The following CSGALNACT1 variants were observed in gnomAD, a reference collection of about 807,000 sequenced individuals.
CSGALNACT1 encodes chondroitin sulfate N-acetylgalactosaminyltransferase 1.
A neutral mutation model predicts 51.0 loss-of-function variants in CSGALNACT1; 52 were observed. The ratio of observed to expected loss-of-function variants is 1.02; its 90% confidence interval spans 0.82 to 1.29. CSGALNACT1 has a LOEUF of 1.29. Among genes scored for constraint, CSGALNACT1 ranks in the 50% most tolerant of loss-of-function variants. The pLI, the probability that CSGALNACT1 is intolerant of heterozygous loss-of-function variation, is 0.00. For synonymous variants in CSGALNACT1, 341 were observed against 254.4 expected (o/e 1.34, Z -3.24); for missense variants, 935 against 679.2 (o/e 1.38, Z -4.19).
chr8:19,503,104 T>A (rs1317966533), intron 4 of CSGALNACT1, among the ~76,000 whole-genome samples: 1 of 152,226 alleles, frequency 6.6e-6, no homozygotes, highest in Non-Finnish European at 1.5e-5. Context: ...TCTTGTGGTA[T>A]TGATAATATT....
chr8:19,538,585 G>C (rs1219535960), intron 3 of CSGALNACT1, among the ~76,000 whole-genome samples: 1 of 152,126 alleles, frequency 6.6e-6, no homozygotes, highest in East Asian at 1.9e-4. Context: ...AGAAGGAGGA[G>C]GCCTTCAGGA....
intron 1 of CSGALNACT1, among the ~76,000 whole-genome samples, chr8:19,718,024 C>G (rs2062911208): frequency 6.6e-6 from 1 of 152,170 alleles, no homozygotes. Context: ...GCATCATGGG[C>G]TGGGGCCTCT....
chr8:19,558,814 G>A (rs1358005946), intron 3 of CSGALNACT1, among the ~76,000 whole-genome samples: 1 of 152,020 alleles, frequency 6.6e-6, no homozygotes. Flanking sequence ...ATGGTTTCAG[G>A]GATGAGGCCA....
intron 3 of CSGALNACT1, among the ~76,000 whole-genome samples, chr8:19,527,372 G>C (rs1026082500): frequency 6.6e-5 from 10 of 152,118 alleles, no homozygotes; most frequent in African/African-American, 2.4e-4. Flanking sequence ...AGGCTGAGGA[G>C]GGTGGATCAC....
At chr8:19,573,416 TAAGA>T (rs2043443173) in intron 3 of CSGALNACT1, among the ~76,000 whole-genome samples, 1 of 152,076 alleles carries the variant, frequency 6.6e-6, no homozygotes, top group Non-Finnish European at 1.5e-5. Flanking sequence ...CTTAGTTGAC[TAAGA>T]GTCACTTAAG....
At chr8:19,557,427 C>T (rs1311493289) in intron 3 of CSGALNACT1, among the ~76,000 whole-genome samples, 1 of 152,288 alleles carries the variant, frequency 6.6e-6, no homozygotes, top group Non-Finnish European at 1.5e-5. Flanking sequence ...CCATTCAATA[C>T]ATCCCAAATC....
rs1266664148 is a variant in CSGALNACT1, at chr8:19,666,801, AAGAAAGAAAGAG to A, written c.-544+15660_-544+15671del. ...AAAGAAAGAAAGAAAGAAAGAAAGA[AAGAAAGAAAGAG>A]AGAGAGAGAGAGAGAGAGAGAAAGA... On this transcript the variant is annotated intron_variant, in intron 1 of 9. Coordinates refer to the CSGALNACT1 transcript ENST00000332246. Among the ~76,000 whole-genome samples the A allele has an allele frequency of 1.6e-3, 34 of 21,808 alleles. No homozygotes were observed. In the South Asian group the frequency reaches 0.024, roughly 15 times the overall value. 14.3% of individuals were successfully genotyped at this position (21,808 alleles called of 152,430 possible).
intron 2 of CSGALNACT1, among the ~76,000 whole-genome samples, chr8:19,597,216 A>T (rs2049097083): frequency 6.6e-6 from 1 of 151,610 alleles, no homozygotes; most frequent in Non-Finnish European, 1.5e-5. Flanking sequence ...GTATGGATAT[A>T]CATACTGCAT....
chr8:19,430,034 C>T (rs1157319288), intron 6 of CSGALNACT1, among the ~76,000 whole-genome samples: 1 of 152,208 alleles, frequency 6.6e-6, no homozygotes, highest in Non-Finnish European at 1.5e-5. Context: ...GAGAAATGTA[C>T]ATCCAAGTCT....
chr8:19,405,163 A>T, exon 10 of CSGALNACT1: 1 of 448,012 alleles, frequency 2.2e-6, no homozygotes, highest in Non-Finnish European at 4.4e-6. Context: ...TTTTTAAATA[A>T]AAGAAAAAAA....
At chr8:19,573,103 C>T (rs748155792) in intron 3 of CSGALNACT1, among the ~76,000 whole-genome samples, 2 of 152,208 alleles carry the variant, frequency 1.3e-5, no homozygotes, top group South Asian at 2.1e-4. Flanking sequence ...AAAGGATACA[C>T]TCCCATGGCG....
At chr8:19,623,353 G>A (rs1371646198) in intron 1 of CSGALNACT1, among the ~76,000 whole-genome samples, 5 of 152,074 alleles carry the variant, frequency 3.3e-5, no homozygotes, top group East Asian at 1.9e-4. Context: ...AGAGGAAACA[G>A]GAAAAACAAT....
intron 1 of CSGALNACT1, among the ~76,000 whole-genome samples, chr8:19,623,508 A>G (rs1024922320): frequency 6.6e-6 from 1 of 152,214 alleles, no homozygotes; most frequent in Admixed American, 6.5e-5. Context: ...AACACTCTTC[A>G]ATACTATATC....
At chr8:19,678,183 G>A (rs910824186) in intron 1 of CSGALNACT1, among the ~76,000 whole-genome samples, 4 of 152,074 alleles carry the variant, frequency 2.6e-5, no homozygotes, top group African/African-American at 9.7e-5. Flanking sequence ...TGTTTTCTCA[G>A]GGACTAATCC....
exon 5 of CSGALNACT1, chr8:19,458,542 G>T (rs142456632): frequency 2.9e-5 from 46 of 1,614,032 alleles, no homozygotes; most frequent in Non-Finnish European, 3.9e-5. Flanking sequence ...TGATGGGGCC[G>T]AATGGTCGAA....
At chr8:19,420,607 C>T (rs1408561742) in intron 6 of CSGALNACT1, 89 bp from the exon 6 acceptor site, 4 of 1,371,544 alleles carry the variant, frequency 2.9e-6, no homozygotes, top group Non-Finnish European at 4.2e-6. Context: ...CCATCCACAT[C>T]TTGACCCATT....
chr8:19,515,150 T>C (rs1012326484), intron 3 of CSGALNACT1, among the ~76,000 whole-genome samples: 4 of 152,034 alleles, frequency 2.6e-5, no homozygotes, highest in African/African-American at 9.7e-5. Context: ...CCACTGTCTC[T>C]ATCTCAGGTC....
At chr8:19,592,438 A>C (rs1447687147) in intron 2 of CSGALNACT1, among the ~76,000 whole-genome samples, 1 of 152,230 alleles carries the variant, frequency 6.6e-6, no homozygotes, top group Non-Finnish European at 1.5e-5. Flanking sequence ...AGGGGGAACA[A>C]AGAGACAAAT....
intron 8 of CSGALNACT1, among the ~76,000 whole-genome samples, chr8:19,414,471 G>C (rs1408434918): frequency 6.6e-6 from 1 of 152,136 alleles, no homozygotes; most frequent in East Asian, 1.9e-4. Flanking sequence ...GCACCAGCAA[G>C]TTTTATCTCA....
Sources: allele counts gnomAD v4.1 joint callset (sites outside exome capture counted in the v4.1 genomes callset), GRCh38; gene constraint gnomAD v4.1.1; transcripts MANE v1.5; gene names NCBI Gene and HGNC (gene_info 2026-07-23, HGNC 2026-07-21).